Variants in NOS1AP observed in about 807,000 individuals in gnomAD.
NOS1AP encodes the protein carboxyl-terminal PDZ ligand of neuronal nitric oxide synthase protein.
NOS1AP carries 21 observed loss-of-function variants against 56.2 expected under a neutral mutation model. That is an observed-to-expected ratio of 0.37 (90% confidence interval 0.26 to 0.54). NOS1AP has a LOEUF of 0.54. NOS1AP is among the 20% of genes least tolerant of loss of function. NOS1AP has a pLI of 0.84. For missense variants in NOS1AP, 522 were observed against 657.8 expected (o/e 0.79, Z 2.26); for synonymous variants, 270 against 274.6 (o/e 0.98, Z 0.17).
intron 4 of NOS1AP, among the ~76,000 whole-genome samples, chr1:162,306,305 G>C (rs535932055): frequency 6.6e-6 from 1 of 152,310 alleles, no homozygotes; most frequent in Admixed American, 6.5e-5. Flanking sequence ...CTGTTGTTCA[G>C]CAGGGCTAAT....
At chr1:162,203,713 A>G (rs1398432757) in intron 2 of NOS1AP, among the ~76,000 whole-genome samples, 1 of 152,180 alleles carries the variant, frequency 6.6e-6, no homozygotes, top group Non-Finnish European at 1.5e-5. Context: ...GTGATAATGC[A>G]TGTGATGTAG....
At chr1:162,321,333 T>G (rs1283667384) in intron 4 of NOS1AP, among the ~76,000 whole-genome samples, 1 of 152,130 alleles carries the variant, frequency 6.6e-6, no homozygotes, top group African/African-American at 2.4e-5. Context: ...TGTCCAACAA[T>G]GATAGACTGG....
At chr1:162,102,769 G>T (rs1647337592) in intron 1 of NOS1AP, among the ~76,000 whole-genome samples, 1 of 151,992 alleles carries the variant, frequency 6.6e-6, no homozygotes, top group Non-Finnish European at 1.5e-5. Context: ...TTTCTGTAGG[G>T]TCAGGGGTGA....
intron 3 of NOS1AP, among the ~76,000 whole-genome samples, chr1:162,288,717 A>G (rs1655166429): frequency 6.6e-6 from 1 of 152,158 alleles, no homozygotes; most frequent in Admixed American, 6.5e-5. Flanking sequence ...GGTTTTAGAA[A>G]GTGTTTTATG....
intron 2 of NOS1AP, among the ~76,000 whole-genome samples, chr1:162,240,284 T>TGTGTGTGTGTGTGTGTGTG (rs1553198216): frequency 6.6e-6 from 1 of 151,036 alleles, no homozygotes; most frequent in African/African-American, 2.4e-5. Context: ...TGTGTGTGTG[T>TGTGTGTGTGTGTGTGTGTG]TGAGGCATGC....
chr1:162,302,843 C>T (rs1655708335), intron 4 of NOS1AP, among the ~76,000 whole-genome samples: 1 of 152,188 alleles, frequency 6.6e-6, no homozygotes, highest in Admixed American at 6.5e-5. Flanking sequence ...CATCCCCAAG[C>T]GACCACGATC....
chr1:162,230,557 T>C (rs937663304), intron 2 of NOS1AP, among the ~76,000 whole-genome samples: 5 of 152,254 alleles, frequency 3.3e-5, no homozygotes, highest in Non-Finnish European at 5.9e-5. Flanking sequence ...TTCACCATTT[T>C]TCAAGGTACA....
intron 2 of NOS1AP, among the ~76,000 whole-genome samples, chr1:162,282,867 T>C (rs1654973245): frequency 6.6e-6 from 1 of 152,222 alleles, no homozygotes; most frequent in Non-Finnish European, 1.5e-5. Context: ...GAAGTTGCCT[T>C]TGAGCACCTT....
In NOS1AP at chr1:162,093,882, C is replaced by A. The variant is rs183873918; in HGVS notation, c.105+23600C>A. On this transcript the variant is annotated intron_variant, in intron 1 of 9. Coordinates refer to ENST00000361897, the MANE Select transcript of NOS1AP (RefSeq NM_014697.3). ...GACATTACTGAAAAAAATTAAGCAA[C>A]AGTACAAAGCAGTTAGTCAATGTGA... Among the ~76,000 whole-genome samples, 8 of 152,264 alleles carry A rather than the reference C, an allele frequency of 5.3e-5. No homozygotes were observed. The East Asian group carries it at 9.6e-4, about 18-fold the overall frequency.
At chr1:162,278,669 G>GTGTGTA (rs1445282546) in intron 2 of NOS1AP, among the ~76,000 whole-genome samples, 5 of 70,474 alleles carry the variant, frequency 7.1e-5, no homozygotes, top group African/African-American at 4.0e-4. Context: ...TTCTACGTGT[G>GTGTGTA]TGTGTGTGTG....
At chr1:162,126,901 C>T (rs1187913092) in intron 1 of NOS1AP, among the ~76,000 whole-genome samples, 1 of 152,158 alleles carries the variant, frequency 6.6e-6, no homozygotes. Flanking sequence ...TACAATCTTA[C>T]ATTCTGTAGC....
At chr1:162,227,068 A>C (rs1352842107) in intron 2 of NOS1AP, among the ~76,000 whole-genome samples, 1 of 152,226 alleles carries the variant, frequency 6.6e-6, no homozygotes, top group East Asian at 1.9e-4. Flanking sequence ...GATAATGATT[A>C]ATACATGGTT....
At chr1:162,224,753 A>G (rs1295700603) in intron 2 of NOS1AP, among the ~76,000 whole-genome samples, 1 of 152,180 alleles carries the variant, frequency 6.6e-6, no homozygotes, top group Non-Finnish European at 1.5e-5. Flanking sequence ...AGAGAGGACA[A>G]GTAGTGCCTG....
chr1:162,252,079 G>A (rs904722534), intron 2 of NOS1AP, among the ~76,000 whole-genome samples: 14 of 151,764 alleles, frequency 9.2e-5, no homozygotes, highest in African/African-American at 3.4e-4. Context: ...TCATTCTGTT[G>A]CCCAAGCTGG....
At chr1:162,301,119 G>A (rs1655637829) in intron 4 of NOS1AP, among the ~76,000 whole-genome samples, 1 of 152,140 alleles carries the variant, frequency 6.6e-6, no homozygotes, top group Non-Finnish European at 1.5e-5. Context: ...ACTGAGCATA[G>A]TAATAAGAGC....
At chr1:162,287,658 G>A (rs1655130477) in intron 3 of NOS1AP, among the ~76,000 whole-genome samples, 1 of 152,160 alleles carries the variant, frequency 6.6e-6, no homozygotes, top group South Asian at 2.1e-4. Context: ...TGGTACCCCA[G>A]GTGATGGGAG....
At chr1:162,348,236 G>A (rs939313736) in intron 6 of NOS1AP, among the ~76,000 whole-genome samples, 4 of 152,190 alleles carry the variant, frequency 2.6e-5, no homozygotes, top group Non-Finnish European at 5.9e-5. Flanking sequence ...ATGCCAAAAT[G>A]AACAGAGATT....
intron 2 of NOS1AP, among the ~76,000 whole-genome samples, chr1:162,243,254 C>A (rs1653549940): frequency 6.6e-6 from 1 of 152,118 alleles, no homozygotes; most frequent in Admixed American, 6.5e-5. Flanking sequence ...GGAAAGCATG[C>A]TTCTCAAGGT....
At chr1:162,361,614 A>T (rs897660269) in intron 8 of NOS1AP, among the ~76,000 whole-genome samples, 9 of 152,254 alleles carry the variant, frequency 5.9e-5, no homozygotes, top group Non-Finnish European at 7.3e-5. Flanking sequence ...CAGTAGCAGC[A>T]GTGGGTGCTC....
Sources: gnomAD v4.1 joint callset for allele counts (sites outside exome capture counted in the v4.1 genomes callset) on GRCh38, gnomAD v4.1.1 for gene constraint, MANE v1.5 for transcripts, NCBI Gene and HGNC (gene_info 2026-07-23, HGNC 2026-07-21) for gene names.